Variants in ROBO1 observed in about 807,000 individuals in gnomAD.
ROBO1 encodes the protein roundabout guidance receptor 1.
ROBO1 carries 149 observed loss-of-function variants against 195.9 expected under a neutral mutation model. The observed-to-expected ratio is 0.76, with a 90% confidence interval of 0.67 to 0.87. ROBO1 has a LOEUF of 0.87. Ranked by LOEUF, ROBO1 falls within the 40% of genes least tolerant of loss-of-function variation. ROBO1 has a pLI of 0.00. For missense variants in ROBO1, 1,933 were observed against 2,068.3 expected (o/e 0.93, Z 1.27); for synonymous variants, 816 against 733.2 (o/e 1.11, Z -1.82).
chr3:78,986,098 G>C lies in ROBO1; in HGVS notation c.173-47171C>G, dbSNP rs183901707. Reference sequence around the variant, plus strand: ...CCAGAGCCATCAGGAGCTTGAAGAAGGGTGTAATCAGAGGCAGAGTTCACG... The same window carrying C: ...CCAGAGCCATCAGGAGCTTGAAGAACGGTGTAATCAGAGGCAGAGTTCACG... On this transcript the variant is annotated intron_variant, in intron 3 of 30. Transcript: ENST00000464233. 5.3e-5 allele frequency among the ~76,000 whole-genome samples: 8 copies of C among 152,274 alleles called. No individual in the cohort carries two copies. The East Asian group carries it at 5.8e-4, about 11-fold the overall frequency.
chr3:79,402,734 T>C (rs2037411286), intron 2 of ROBO1, among the ~76,000 whole-genome samples: 1 of 151,998 alleles, frequency 6.6e-6, no homozygotes, highest in Non-Finnish European at 1.5e-5. Flanking sequence ...GGGTGCCTAC[T>C]CTTATAGTCT....
At chr3:79,161,176 C>T (rs1168530649) in intron 2 of ROBO1, among the ~76,000 whole-genome samples, 1 of 152,006 alleles carries the variant, frequency 6.6e-6, no homozygotes, top group Non-Finnish European at 1.5e-5. Flanking sequence ...TAGCAAATGG[C>T]AGAAGGACAG....
At chr3:78,726,622 T>C (rs764884385) in intron 5 of ROBO1, among the ~76,000 whole-genome samples, 1 of 152,172 alleles carries the variant, frequency 6.6e-6, no homozygotes, top group African/African-American at 2.4e-5. Flanking sequence ...TATCTCTTCA[T>C]AGAAATGCTG....
chr3:79,279,742 C>A (rs2108997524), intron 2 of ROBO1, among the ~76,000 whole-genome samples: 1 of 152,264 alleles, frequency 6.6e-6, no homozygotes, highest in African/African-American at 2.4e-5. Flanking sequence ...GATGACCATT[C>A]ATTCTTCTGT....
rs372512897 is a variant in ROBO1 at position 78,617,588 on chromosome 3, T to C, written c.4282+47A>G. 7.8e-6 allele frequency: 12 copies of C among 1,543,280 alleles called. No homozygotes were observed. The South Asian group carries it at 8.8e-5, about 11-fold the overall frequency. On this transcript the variant is annotated intron_variant, in intron 27 of 30. Transcript: ENST00000464233. ...GGACAGAATCAGCAACAAACATATATACATTGAGTTTTCTTTCCCAGCTTG... is the reference window on the plus strand; with the variant it reads ...GGACAGAATCAGCAACAAACATATACACATTGAGTTTTCTTTCCCAGCTTG...
intron 3 of ROBO1, among the ~76,000 whole-genome samples, chr3:79,000,901 G>A (rs1230003413): frequency 1.3e-5 from 2 of 152,150 alleles, no homozygotes; most frequent in African/African-American, 4.8e-5. Flanking sequence ...ACTGGATAAA[G>A]AAAATGTGGC....
chr3:79,128,542 C>A (rs539850317), intron 2 of ROBO1, among the ~76,000 whole-genome samples: 1 of 152,026 alleles, frequency 6.6e-6, no homozygotes, highest in Non-Finnish European at 1.5e-5. Flanking sequence ...CTATGCAAAG[C>A]GGGGATAAAA....
chr3:78,902,798 C>T (rs556202227), intron 4 of ROBO1, among the ~76,000 whole-genome samples: 28 of 152,192 alleles, frequency 1.8e-4, no homozygotes, highest in Admixed American at 8.5e-4. Context: ...GAGCCCAGAT[C>T]GTGCCATTGC....
At chr3:79,520,358 A>G (rs906911257) in intron 2 of ROBO1, among the ~76,000 whole-genome samples, 5 of 152,144 alleles carry the variant, frequency 3.3e-5, no homozygotes, top group African/African-American at 9.7e-5. Context: ...GTTCAATTCA[A>G]TGATGTCCCT....
At chr3:79,021,633 C>G (rs1320718032) in intron 3 of ROBO1, among the ~76,000 whole-genome samples, 2 of 149,370 alleles carry the variant, frequency 1.3e-5, no homozygotes, top group African/African-American at 4.9e-5. Context: ...CATCCCCTCT[C>G]TTCCACTCCT....
rs189755869 is a variant in ROBO1, at chr3:79,635,579, T to G, written c.-50-45618A>C. Among the ~76,000 whole-genome samples, 651 of 152,318 alleles carry G rather than the reference T, an allele frequency of 4.3e-3. 9 individuals are homozygous for G. The highest frequency in any genetic ancestry group is 2.3e-3 in the Non-Finnish European group (158 of 68,026). On this transcript the variant is annotated intron_variant, in intron 1 of 30. Coordinates refer to ENST00000464233, the MANE Select transcript of ROBO1 (RefSeq NM_002941.4). ...AAAGTGGAGAATATTCTTTGAATTT[T>G]ATTTTTGTTTCAACTGTCTGTAATT... is the stretch of plus-strand genomic sequence containing the variant.
At chr3:78,791,039 C>T (rs949460819) in intron 4 of ROBO1, among the ~76,000 whole-genome samples, 13 of 152,122 alleles carry the variant, frequency 8.5e-5, no homozygotes, top group African/African-American at 7.2e-5. Context: ...CTAGAGCTAG[C>T]GAGAGGATGG....
chr3:79,495,824 A>G (rs1271350082), intron 2 of ROBO1, among the ~76,000 whole-genome samples: 1 of 152,194 alleles, frequency 6.6e-6, no homozygotes, highest in African/African-American at 2.4e-5. Context: ...TAACATCAAT[A>G]TCTATTTCGC....
intron 5 of ROBO1, among the ~76,000 whole-genome samples, chr3:78,742,196 C>T (rs1449566256): frequency 1.3e-5 from 2 of 152,068 alleles, no homozygotes; most frequent in African/African-American, 2.4e-5. Context: ...AAAACTGTAG[C>T]AATAAGCATG....
intron 2 of ROBO1, among the ~76,000 whole-genome samples, chr3:79,388,899 A>G (rs2036848405): frequency 6.6e-6 from 1 of 152,138 alleles, no homozygotes; most frequent in African/African-American, 2.4e-5. Context: ...AGTTAGAACC[A>G]AAGGCCAGAT....
intron 2 of ROBO1, among the ~76,000 whole-genome samples, chr3:79,533,826 A>T (rs4998490): frequency 0.57 from 86,858 of 151,912 alleles, 24,957 homozygotes; most frequent in Non-Finnish European, 0.6. Context: ...GAGGCTTTGC[A>T]ATACTGATAG....
chr3:79,366,305 G>A (rs2035974286), intron 2 of ROBO1, among the ~76,000 whole-genome samples: 1 of 152,130 alleles, frequency 6.6e-6, no homozygotes, highest in Admixed American at 6.5e-5. Flanking sequence ...CCTATTCATT[G>A]GGAGTATGGG....
At chr3:79,055,129 C>A (rs941789249) in intron 3 of ROBO1, among the ~76,000 whole-genome samples, 1 of 152,094 alleles carries the variant, frequency 6.6e-6, no homozygotes, top group Non-Finnish European at 1.5e-5. Flanking sequence ...GGGGCATCCA[C>A]CTCTGCTAAA....
intron 28 of ROBO1, among the ~76,000 whole-genome samples, chr3:78,610,246 ACTTT>A: frequency 6.6e-6 from 1 of 152,282 alleles, no homozygotes; most frequent in South Asian, 2.1e-4. Flanking sequence ...TTTGTCTACT[ACTTT>A]AACAGATTTT....
Sources: gnomAD v4.1 joint callset for allele counts (sites outside exome capture counted in the v4.1 genomes callset) on GRCh38, gnomAD v4.1.1 for gene constraint, MANE v1.5 for transcripts, NCBI Gene and HGNC (gene_info 2026-07-23, HGNC 2026-07-21) for gene names.